Variants in MYLK4 observed in about 807,000 individuals in gnomAD.
MYLK4 encodes caMLCK like.
Under a neutral mutation model 48.1 loss-of-function variants are expected in MYLK4, and 46 were observed. The observed-to-expected ratio is 0.96, with a 90% CI of 0.75 to 1.22. The LOEUF is 1.22. Ranked by LOEUF, MYLK4 falls within the 50% of genes most tolerant of loss-of-function variation. The pLI is 0.00. For missense variants in MYLK4, 451 were observed against 486.1 expected (o/e 0.93, Z 0.68); for synonymous variants, 170 against 180.8 (o/e 0.94, Z 0.48).
intron 2 of MYLK4, among the ~76,000 whole-genome samples, chr6:2,730,760 A>G (rs17135644): frequency 6.6e-6 from 1 of 152,172 alleles, no homozygotes; most frequent in South Asian, 2.1e-4. Flanking sequence ...GAAGTGAAAA[A>G]TTATCCATTA....
chr6:2,693,201 A>G (rs1173897675), intron 2 of MYLK4, among the ~76,000 whole-genome samples: 1 of 152,252 alleles, frequency 6.6e-6, no homozygotes. Flanking sequence ...AAGCCTGTAT[A>G]GACTACAGTA....
At chr6:2,750,018 T>G (rs775914730) in intron 1 of MYLK4, among the ~76,000 whole-genome samples, 3 of 152,196 alleles carry the variant, frequency 2.0e-5, no homozygotes, top group Admixed American at 6.5e-5. Context: ...TAAAATACTT[T>G]CCTCGCAAAT....
intron 2 of MYLK4, among the ~76,000 whole-genome samples, chr6:2,721,927 A>G (rs1763083237): frequency 6.6e-6 from 1 of 152,274 alleles, no homozygotes; most frequent in African/African-American, 2.4e-5. Flanking sequence ...AGACACTTTC[A>G]GAAATGTAAG....
Position 2,745,137 on chromosome 6 carries a change from C to T in MYLK4, c.159+3999G>A, listed in dbSNP as rs147219672. On this transcript the variant is annotated intron_variant, in intron 2 of 12. Coordinates refer to ENST00000274643, the MANE Select transcript of MYLK4 (RefSeq NM_001012418.5). ...GTACACCGAGGAAAGCAGTGAGAAG[C>T]ACGCAGGGCCGAATGGTTGGCTGAG... 1.3e-4 allele frequency among the ~76,000 whole-genome samples: 20 copies of T among 152,218 alleles called. No homozygotes were observed. The East Asian group carries it at 2.5e-3, about 19-fold the overall frequency.
At chr6:2,766,398 A>T in the MYLK4 span, 1 of 1,606,672 alleles carries the variant, frequency 6.2e-7, no homozygotes, top group East Asian at 2.2e-5. Flanking sequence ...CTGGAGACCA[A>T]CGAAATCCCC....
At chr6:2,764,976 A>C in the MYLK4 span, among the ~76,000 whole-genome samples, 2 of 152,246 alleles carry the variant, frequency 1.3e-5, no homozygotes, top group African/African-American at 4.8e-5. Flanking sequence ...CTTTCGTTAC[A>C]AACGACCCGC....
At chr6:2,766,440 G>A in the MYLK4 span, 2 of 1,556,046 alleles carry the variant, frequency 1.3e-6, no homozygotes, top group South Asian at 1.2e-5. Flanking sequence ...CCGGGCTGCG[G>A]CAAGGTGAGT....
chr6:2,665,494 C>G lies in MYLK4; in HGVS notation c.*2431G>C, dbSNP rs898327640. The G allele has an allele frequency of 1.3e-5, 2 of 152,218 alleles. No homozygotes were observed. The highest frequency in any genetic ancestry group is 6.5e-5 in the Admixed American group (1 of 15,284). The allele number at this position is 152,218 out of a possible 1,614,324, so 9.4% of individuals were successfully genotyped here. A position where few individuals can be genotyped will look rare whatever the true frequency, so the allele number is the denominator to read the frequency against. The stretch of plus-strand genomic sequence containing the variant: ...AGATCCATTTTCAAAGTACAGTCTC[C>G]TTTCTAAACCTCAAAACAAAACAAA... On this transcript the variant is annotated 3_prime_UTR_variant, in exon 13 of 13. Coordinates refer to ENST00000274643, the MANE Select transcript of MYLK4 (RefSeq NM_001012418.5).
intron 9 of MYLK4, 132 bp downstream of exon 9, chr6:2,679,148 A>G: frequency 9.4e-7 from 1 of 1,067,984 alleles, no homozygotes; most frequent in Non-Finnish European, 1.4e-6. Context: ...CAAAACCTAG[A>G]AGGCAACTGA....
At chr6:2,682,896 T>C in intron 7 of MYLK4, 125 bp downstream of exon 7, 1 of 1,034,366 alleles carries the variant, frequency 9.7e-7, no homozygotes, top group East Asian at 2.4e-5. Flanking sequence ...GGGTAACAAT[T>C]CAGATGTTTA....
At chr6:2,745,821 A>T (rs1764066749) in intron 2 of MYLK4, among the ~76,000 whole-genome samples, 2 of 151,834 alleles carry the variant, frequency 1.3e-5, no homozygotes. Flanking sequence ...GCTACTTGGG[A>T]GGCTGAGGCA....
the MYLK4 span, among the ~76,000 whole-genome samples, chr6:2,761,056 G>A: frequency 2.6e-5 from 4 of 152,124 alleles, no homozygotes; most frequent in African/African-American, 7.2e-5. Context: ...ATGAAGGTGC[G>A]CAAGATCATG....
intron 2 of MYLK4, among the ~76,000 whole-genome samples, chr6:2,699,296 T>TTTTTTTTTTTTTTTTTA: frequency 8.2e-6 from 1 of 122,604 alleles, no homozygotes; most frequent in Non-Finnish European, 1.7e-5. Context: ...TCTTTTTTTT[T>TTTTTTTTTTTTTTTTTA]TTTTTTTTTT....
At chr6:2,724,584 C>T (rs1375018387) in intron 2 of MYLK4, among the ~76,000 whole-genome samples, 1 of 152,160 alleles carries the variant, frequency 6.6e-6, no homozygotes, top group Non-Finnish European at 1.5e-5. Flanking sequence ...TACAGAAATC[C>T]ATCCTTCAGA....
At chr6:2,764,715 G>A in the MYLK4 span, among the ~76,000 whole-genome samples, 1 of 152,154 alleles carries the variant, frequency 6.6e-6, no homozygotes, top group Non-Finnish European at 1.5e-5. Flanking sequence ...TGGTGTTTCC[G>A]ATTTGCCACT....
chr6:2,766,327 G>T, the MYLK4 span: 53 of 1,610,570 alleles, frequency 3.3e-5, no homozygotes, highest in Non-Finnish European at 4.3e-5. Context: ...GTCCTGACAC[G>T]CTGCAGGATT....
the MYLK4 span, chr6:2,766,144 C>CGACGGG: frequency 7.6e-7 from 1 of 1,314,390 alleles, no homozygotes; most frequent in Non-Finnish European, 9.7e-7. Flanking sequence ...ACGGCGATGG[C>CGACGGG]GACGGGGACG....
chr6:2,765,669 A>C, the MYLK4 span: 1 of 1,552,584 alleles, frequency 6.4e-7, no homozygotes, highest in South Asian at 1.1e-5. Context: ...TCGCAGCTGC[A>C]CCAGGTGCAG....
chr6:2,694,543 T>C (rs1761968880), intron 2 of MYLK4, among the ~76,000 whole-genome samples: 1 of 127,292 alleles, frequency 7.9e-6, no homozygotes, highest in Non-Finnish European at 1.7e-5. Context: ...GTAGTGTTGG[T>C]TGTGGTGGTA....
Sources: allele counts gnomAD v4.1 joint callset (sites outside exome capture counted in the v4.1 genomes callset), GRCh38; gene constraint gnomAD v4.1.1; transcripts MANE v1.5; gene names NCBI Gene and HGNC (gene_info 2026-07-23, HGNC 2026-07-21).